Variants in RANBP2 observed in about 807,000 individuals in gnomAD.
RANBP2 encodes E3 SUMO-protein ligase RanBP2.
RANBP2 carries 57 observed loss-of-function variants against 303.6 expected under a neutral mutation model. The observed-to-expected ratio is 0.19, with a 90% CI of 0.15 to 0.23. The LOEUF is 0.23. RANBP2 is among the 10% of genes least tolerant of loss of function. RANBP2 has a pLI of 1.00. For missense variants in RANBP2, 3,138 were observed against 3,780.8 expected (o/e 0.83, Z 4.46); for synonymous variants, 1,167 against 1,301.5 (o/e 0.90, Z 2.23).
At chr2:109,437,293 C>T in the RANBP2 span, 15 of 1,307,568 alleles carry the variant, frequency 1.1e-5, no homozygotes, top group Admixed American at 8.6e-5. Context: ...TAAGGAAAAC[C>T]GGTTTGGCCC....
At chr2:108,750,315 T>C (rs186131025) in intron 9 of RANBP2, among the ~76,000 whole-genome samples, 30 of 152,372 alleles carry the variant, frequency 2.0e-4, no homozygotes, top group Admixed American at 3.9e-4. Flanking sequence ...ATCTTTTTTA[T>C]GAAGTAGTCA....
chr2:109,249,629 C>G, the RANBP2 span, among the ~76,000 whole-genome samples: 1 of 147,340 alleles, frequency 6.8e-6, no homozygotes, highest in East Asian at 2.0e-4. Flanking sequence ...TTCTTTCTCT[C>G]TCTCTTTCTC....
chr2:109,229,826 CTTT>C, the RANBP2 span, among the ~76,000 whole-genome samples: 6,452 of 129,998 alleles, frequency 0.05, 414 homozygotes, highest in African/African-American at 0.17. Flanking sequence ...CTTTTTCTTT[CTTT>C]TTTTTTTTTT....
chr2:109,667,390 G>C, the RANBP2 span: 1 of 444,820 alleles, frequency 2.2e-6, no homozygotes, highest in Non-Finnish European at 4.1e-6. Flanking sequence ...GATCAGGAGG[G>C]GATGAGACCA....
At chr2:109,729,096 G>C in the RANBP2 span, among the ~76,000 whole-genome samples, 1 of 152,186 alleles carries the variant, frequency 6.6e-6, no homozygotes, top group Non-Finnish European at 1.5e-5. Flanking sequence ...TGCTGACATT[G>C]CAAGAGGGAG....
the RANBP2 span, chr2:109,449,116 T>C: frequency 6.4e-7 from 1 of 1,557,376 alleles, no homozygotes; most frequent in Non-Finnish European, 8.7e-7. Flanking sequence ...CTGGCAGGCA[T>C]GGCAAGTTGC....
At chr2:109,671,361 A>T in the RANBP2 span, among the ~76,000 whole-genome samples, 1 of 151,986 alleles carries the variant, frequency 6.6e-6, no homozygotes, top group Admixed American at 6.5e-5. Flanking sequence ...CGGTGCATTG[A>T]GGGTGACAGC....
intron 23 of RANBP2, among the ~76,000 whole-genome samples, chr2:108,773,821 A>AT (rs974330802): frequency 9.2e-5 from 14 of 151,896 alleles, no homozygotes; most frequent in Admixed American, 3.3e-4. Flanking sequence ...TAATTTTTGT[A>AT]TTTTTTTAGT....
At chr2:109,041,346 G>A in the RANBP2 span, among the ~76,000 whole-genome samples, 1 of 152,060 alleles carries the variant, frequency 6.6e-6, no homozygotes, top group South Asian at 2.1e-4. Flanking sequence ...GTTGAATAGG[G>A]ACACTGATAG....
the RANBP2 span, among the ~76,000 whole-genome samples, chr2:108,986,382 G>A: frequency 6.6e-6 from 1 of 152,146 alleles, no homozygotes; most frequent in Non-Finnish European, 1.5e-5. Flanking sequence ...AGATACAGGA[G>A]GGGGAGTGTT....
chr2:108,855,041 TA>T, the RANBP2 span, among the ~76,000 whole-genome samples: 1 of 152,224 alleles, frequency 6.6e-6, no homozygotes, highest in Non-Finnish European at 1.5e-5. Flanking sequence ...AGGACATTGT[TA>T]AAAGACTGAA....
the RANBP2 span, among the ~76,000 whole-genome samples, chr2:109,496,257 A>G: frequency 6.6e-6 from 1 of 152,014 alleles, no homozygotes; most frequent in African/African-American, 2.4e-5. Flanking sequence ...TAATTGCTGC[A>G]TTTTATAATC....
chr2:108,910,746 C>T, the RANBP2 span: 1 of 1,611,262 alleles, frequency 6.2e-7, no homozygotes, highest in Non-Finnish European at 8.5e-7. Flanking sequence ...GCACCGTGCA[C>T]ATGGTGTGTG....
At chr2:109,430,409 C>A in the RANBP2 span, among the ~76,000 whole-genome samples, 82 of 152,278 alleles carry the variant, frequency 5.4e-4, 1 homozygote, top group East Asian at 0.016. Flanking sequence ...TCCTCTTCTG[C>A]CTTCCTTTGC....
chr2:109,160,623 T>C, the RANBP2 span, among the ~76,000 whole-genome samples: 39,512 of 152,032 alleles, frequency 0.26, 5,494 homozygotes, highest in East Asian at 0.45. Context: ...ATGGAAAAGC[T>C]ACATGAGGCC....
At chr2:108,982,762 G>A in the RANBP2 span, among the ~76,000 whole-genome samples, 1 of 152,130 alleles carries the variant, frequency 6.6e-6, no homozygotes, top group African/African-American at 2.4e-5. Context: ...CGAGTGTCCC[G>A]AGTCACCTAA....
chr2:108,930,040 G>A, the RANBP2 span: 1 of 1,514,674 alleles, frequency 6.6e-7, no homozygotes. Flanking sequence ...CACACAGCAA[G>A]GCAGGCTCAG....
the RANBP2 span, among the ~76,000 whole-genome samples, chr2:109,542,343 A>G: frequency 6.6e-6 from 1 of 152,222 alleles, no homozygotes; most frequent in Non-Finnish European, 1.5e-5. Context: ...AGCAGTCATC[A>G]GCAGTACAAA....
chr2:108,990,347 C>T, the RANBP2 span, among the ~76,000 whole-genome samples: 5 of 147,402 alleles, frequency 3.4e-5, no homozygotes, highest in Middle Eastern at 3.4e-3. Context: ...AGGAGAATGG[C>T]GTGAACCCGG....
Sources: allele counts gnomAD v4.1 joint callset (sites outside exome capture counted in the v4.1 genomes callset), GRCh38; gene constraint gnomAD v4.1.1; transcripts MANE v1.5; gene names NCBI Gene and HGNC (gene_info 2026-07-23, HGNC 2026-07-21).